The following KLF12 variants were observed in gnomAD, a reference collection of about 807,000 sequenced individuals.
KLF12 encodes the protein KLF transcription factor 12.
A neutral mutation model predicts 37.8 loss-of-function variants in KLF12; 9 were observed. That is an observed-to-expected ratio of 0.24 (90% CI 0.14 to 0.42). KLF12 has a LOEUF of 0.42. Among genes scored for constraint, KLF12 ranks in the 10% least tolerant of loss-of-function variants. KLF12 has a pLI of 1.00. For missense variants in KLF12, 411 were observed against 516.0 expected (o/e 0.80, Z 1.97); for synonymous variants, 208 against 202.1 (o/e 1.03, Z -0.25).
chr13:73,850,339 T>C (rs1299688630), intron 3 of KLF12, among the ~76,000 whole-genome samples: 1 of 152,198 alleles, frequency 6.6e-6, no homozygotes, highest in Non-Finnish European at 1.5e-5. Flanking sequence ...TGAATAAACA[T>C]CTTAAAATGT....
the KLF12 span, among the ~76,000 whole-genome samples, chr13:74,182,091 A>G: frequency 6.6e-6 from 1 of 152,200 alleles, no homozygotes; most frequent in Admixed American, 6.5e-5. Context: ...AAAGTGTGGG[A>G]GGGTATAAAT....
At chr13:73,922,698 T>C in intron 3 of KLF12, among the ~76,000 whole-genome samples, 1 of 152,144 alleles carries the variant, frequency 6.6e-6, no homozygotes, top group East Asian at 1.9e-4. Context: ...TAAAAGACAG[T>C]GAACACTGAC....
intron 2 of KLF12, among the ~76,000 whole-genome samples, chr13:73,945,176 A>T (rs2139374951): frequency 6.6e-6 from 1 of 152,322 alleles, no homozygotes; most frequent in South Asian, 2.1e-4. Flanking sequence ...CAGGTTAAAT[A>T]AGAACAACTG....
At chr13:74,087,229 C>T (rs1875363009) in intron 1 of KLF12, among the ~76,000 whole-genome samples, 1 of 152,016 alleles carries the variant, frequency 6.6e-6, no homozygotes, top group Admixed American at 6.6e-5. Context: ...GATAGAAACA[C>T]AAGGGACAAG....
chr13:74,202,091 T>C, the KLF12 span, among the ~76,000 whole-genome samples: 2 of 152,168 alleles, frequency 1.3e-5, no homozygotes, highest in Admixed American at 6.6e-5. Context: ...ATGTACATTT[T>C]TGGAGGAAAG....
At chr13:74,010,557 T>G (rs1054334122) in intron 1 of KLF12, among the ~76,000 whole-genome samples, 3 of 152,244 alleles carry the variant, frequency 2.0e-5, no homozygotes, top group African/African-American at 7.2e-5. Flanking sequence ...ATGCCTACTT[T>G]GCATCATTTT....
chr13:74,270,109 G>T, the KLF12 span, among the ~76,000 whole-genome samples: 7 of 152,124 alleles, frequency 4.6e-5, no homozygotes, highest in Admixed American at 4.6e-4. Context: ...GTTGGCCTTT[G>T]TCCTGCTTAC....
intron 1 of KLF12, among the ~76,000 whole-genome samples, chr13:74,039,035 T>C (rs141458232): frequency 1.4e-5 from 2 of 140,058 alleles, no homozygotes; most frequent in East Asian, 3.9e-4. Context: ...ATATGTGTGT[T>C]CCTGGAAAGG....
Position 73,750,951 on chromosome 13 carries a change from A to G in KLF12, c.869+13987T>C, listed in dbSNP as rs572386993. 3.4e-3 allele frequency among the ~76,000 whole-genome samples: 513 copies of G among 152,268 alleles called. 2 individuals are homozygous for G. The highest frequency in any genetic ancestry group is 0.012 in the African/African-American group (499 of 41,554). ...ATGTGATGCAAAGGGCCTCATACGT[A>G]GTGTTAAGGGCTTTGGACTTCTAAA... On this transcript the variant is annotated intron_variant, in intron 6 of 7. Transcript: ENST00000377669.
chr13:73,953,360 T>C (rs908443472), intron 2 of KLF12, among the ~76,000 whole-genome samples: 11 of 152,076 alleles, frequency 7.2e-5, no homozygotes, highest in Non-Finnish European at 1.6e-4. Flanking sequence ...ATTAGCCACA[T>C]TTTCAAAAAA....
chr13:73,936,970 T>C (rs1000585573), intron 3 of KLF12, among the ~76,000 whole-genome samples: 8 of 152,086 alleles, frequency 5.3e-5, no homozygotes, highest in Non-Finnish European at 1.2e-4. Context: ...GGCAGGTGGA[T>C]CACGAGGTCA....
At chr13:73,739,342 G>A (rs191123032) in intron 6 of KLF12, among the ~76,000 whole-genome samples, 6 of 151,900 alleles carry the variant, frequency 3.9e-5, no homozygotes, top group Non-Finnish European at 8.8e-5. Flanking sequence ...CTGAAGCAGT[G>A]CCTGGTAAAT....
At chr13:74,144,769 A>G in the KLF12 span, among the ~76,000 whole-genome samples, 1 of 152,304 alleles carries the variant, frequency 6.6e-6, no homozygotes, top group South Asian at 2.1e-4. Context: ...TAGAGCTGTT[A>G]TATTGAAATA....
chr13:74,119,665 T>G (rs1411748892), intron 1 of KLF12, among the ~76,000 whole-genome samples: 1 of 151,938 alleles, frequency 6.6e-6, no homozygotes, highest in Non-Finnish European at 1.5e-5. Flanking sequence ...AGACTAAAAC[T>G]TGAATAGATG....
At chr13:74,153,392 T>C in the KLF12 span, among the ~76,000 whole-genome samples, 4 of 152,346 alleles carry the variant, frequency 2.6e-5, no homozygotes, top group South Asian at 8.3e-4. Context: ...GGATGAGTCA[T>C]CTGGTCCAGA....
intron 3 of KLF12, among the ~76,000 whole-genome samples, chr13:73,887,240 TGTA>T (rs1444487653): frequency 1.3e-5 from 2 of 152,192 alleles, no homozygotes; most frequent in Non-Finnish European, 2.9e-5. Flanking sequence ...ATAAAATTAA[TGTA>T]GTAAAGATGG....
chr13:73,840,491 A>C (rs1214691840), intron 4 of KLF12, among the ~76,000 whole-genome samples: 1 of 152,106 alleles, frequency 6.6e-6, no homozygotes, highest in Non-Finnish European at 1.5e-5. Context: ...CACGTCCCAA[A>C]GGGAATTCCT....
At chr13:74,171,406 G>T in the KLF12 span, among the ~76,000 whole-genome samples, 10 of 152,062 alleles carry the variant, frequency 6.6e-5, no homozygotes, top group Non-Finnish European at 1.2e-4. Context: ...AAAAAAGTAG[G>T]CAGTGAGCGG....
chr13:73,989,163 G>A (rs1891900176), intron 2 of KLF12, among the ~76,000 whole-genome samples: 1 of 152,084 alleles, frequency 6.6e-6, no homozygotes, highest in East Asian at 1.9e-4. Flanking sequence ...CTGAAAAAGG[G>A]CAAAGCAAAT....
Sources: allele counts gnomAD v4.1 joint callset (sites outside exome capture counted in the v4.1 genomes callset), GRCh38; gene constraint gnomAD v4.1.1; transcripts MANE v1.5; gene names NCBI Gene and HGNC (gene_info 2026-07-23, HGNC 2026-07-21).